The following ZBBX variants were observed in gnomAD, a reference collection of about 807,000 sequenced individuals.
ZBBX encodes zinc finger B-box domain containing, also known as zinc finger B-box domain-containing protein 1.
In ZBBX, 101 loss-of-function variants were observed where a neutral mutation model predicts 108.5. The ratio of observed to expected loss-of-function variants is 0.93; its 90% CI spans 0.79 to 1.10. ZBBX has a LOEUF of 1.10. ZBBX is among the 50% of genes least tolerant of loss of function. ZBBX has a pLI of 0.00. For missense variants in ZBBX, 1,009 were observed against 941.4 expected (o/e 1.07, Z -0.94); for synonymous variants, 356 against 323.4 (o/e 1.10, Z -1.08).
At chr3:167,392,035 A>G (rs1748097988) in intron 1 of ZBBX, among the ~76,000 whole-genome samples, 2 of 151,784 alleles carry the variant, frequency 1.3e-5, no homozygotes, top group South Asian at 4.2e-4. Flanking sequence ...TGCCTACCCT[A>G]TGCACTTGCA....
At chr3:167,288,085 T>G (rs1730026600) in intron 19 of ZBBX, among the ~76,000 whole-genome samples, 1 of 152,098 alleles carries the variant, frequency 6.6e-6, no homozygotes, top group Non-Finnish European at 1.5e-5. Flanking sequence ...ATATCTCTTT[T>G]ATCCTCGGGG....
At chr3:167,242,821 A>C (rs950260166) in intron 20 of ZBBX, among the ~76,000 whole-genome samples, 178 bp from the exon 21 acceptor site, 2 of 152,236 alleles carry the variant, frequency 1.3e-5, no homozygotes, top group African/African-American at 4.8e-5. Context: ...TGAGATTCCA[A>C]ATTGGGGCAT....
intron 1 of ZBBX, among the ~76,000 whole-genome samples, chr3:167,407,333 C>G (rs546904384): frequency 2.8e-4 from 43 of 152,204 alleles, no homozygotes; most frequent in African/African-American, 1.0e-3. Flanking sequence ...ATGTCCAATG[C>G]TAATGTCCAT....
At chr3:167,400,073 T>C (rs1748373850) in intron 1 of ZBBX, among the ~76,000 whole-genome samples, 2 of 152,212 alleles carry the variant, frequency 1.3e-5, no homozygotes, top group African/African-American at 4.8e-5. Context: ...CCGTAGTGTA[T>C]ATGTACTACA....
intron 9 of ZBBX, among the ~76,000 whole-genome samples, chr3:167,334,922 T>G (rs932168104): frequency 2.0e-5 from 3 of 152,134 alleles, no homozygotes; most frequent in Admixed American, 2.0e-4. Flanking sequence ...ATTTCTCATT[T>G]TGTTCCTTGC....
At chr3:167,266,224 A>T (rs1725440049) in intron 20 of ZBBX, among the ~76,000 whole-genome samples, 1 of 152,206 alleles carries the variant, frequency 6.6e-6, no homozygotes, top group Admixed American at 6.5e-5. Flanking sequence ...GTATATTTGT[A>T]AAAATAATGG....
At chr3:167,359,169 T>C (rs997018464) in intron 8 of ZBBX, among the ~76,000 whole-genome samples, 5 of 152,062 alleles carry the variant, frequency 3.3e-5, no homozygotes, top group Non-Finnish European at 7.4e-5. Flanking sequence ...CATGGATGAA[T>C]CATGTGGAGC....
chr3:167,270,324 G>A lies in ZBBX; in HGVS notation c.2254+11914C>T, dbSNP rs144019357. ...GCTCAGAAAATTTCTAGGATTAGTT[G>A]GATACTGCCGCTTATGGATTGACTC... On this transcript the variant is annotated intron_variant, in intron 20 of 21. Transcript: ENST00000675490. Among the ~76,000 whole-genome samples the A allele has an allele frequency of 8.9e-3, 1,358 of 152,184 alleles. 27 individuals are homozygous for A. Among genetic ancestry groups the A allele is most frequent in the African/African-American group, 0.031 (1,282 of 41,514 alleles).
At chr3:167,243,464 T>A (rs1301252252) in intron 20 of ZBBX, among the ~76,000 whole-genome samples, 5 of 152,186 alleles carry the variant, frequency 3.3e-5, no homozygotes, top group African/African-American at 1.2e-4. Flanking sequence ...AATGGTGTGA[T>A]CTTGGCTCAC....
chr3:167,333,441 C>A (rs1306177210), intron 10 of ZBBX, among the ~76,000 whole-genome samples: 1 of 152,042 alleles, frequency 6.6e-6, no homozygotes, highest in African/African-American at 2.4e-5. Flanking sequence ...AATTGCCTGT[C>A]ACTTAAAACT....
chr3:167,290,150 A>G (rs1243581933), intron 18 of ZBBX, among the ~76,000 whole-genome samples: 3 of 152,184 alleles, frequency 2.0e-5, no homozygotes, highest in African/African-American at 7.2e-5. Flanking sequence ...CAGCTTCAGC[A>G]GACTTAAACA....
the ZBBX span, among the ~76,000 whole-genome samples, chr3:167,182,048 C>T: frequency 2.0e-5 from 3 of 152,290 alleles, no homozygotes; most frequent in Admixed American, 2.0e-4. Context: ...CCAGTGTTTT[C>T]CTTTCTTGCA....
chr3:167,330,080 G>A (rs1371237882), intron 10 of ZBBX, among the ~76,000 whole-genome samples: 2 of 152,132 alleles, frequency 1.3e-5, no homozygotes, highest in Non-Finnish European at 2.9e-5. Context: ...CATAAATGCT[G>A]ATCAGTGGAA....
intron 1 of ZBBX, among the ~76,000 whole-genome samples, chr3:167,398,444 A>C (rs188949277): frequency 2.6e-5 from 4 of 152,226 alleles, no homozygotes; most frequent in African/African-American, 9.6e-5. Context: ...TCACTGCTTC[A>C]GAAAATTATT....
the ZBBX span, among the ~76,000 whole-genome samples, chr3:167,184,307 G>A: frequency 6.6e-6 from 1 of 152,066 alleles, no homozygotes; most frequent in Non-Finnish European, 1.5e-5. Flanking sequence ...GTTGCTTCTT[G>A]ACCTTTGTGT....
At chr3:167,293,900 AACAG>A (rs202247218) in intron 18 of ZBBX, among the ~76,000 whole-genome samples, 1,895 of 152,300 alleles carry the variant, frequency 0.012, 40 homozygotes, top group African/African-American at 0.043. Context: ...ATACACCTAT[AACAG>A]ACAAACAGAG....
the ZBBX span, among the ~76,000 whole-genome samples, chr3:167,193,969 T>C: frequency 2.2e-4 from 34 of 151,976 alleles, no homozygotes; most frequent in African/African-American, 7.7e-4. Context: ...TGCCAGAAGT[T>C]AGAAAGGTTG....
chr3:167,299,361 A>G (rs73043972), intron 17 of ZBBX, among the ~76,000 whole-genome samples: 2,652 of 152,198 alleles, frequency 0.017, 77 homozygotes, highest in African/African-American at 0.061. Flanking sequence ...ATGTCATTCA[A>G]AGACAAATCG....
chr3:167,397,418 CA>C (rs1334800553), intron 1 of ZBBX, among the ~76,000 whole-genome samples: 1 of 151,660 alleles, frequency 6.6e-6, no homozygotes, highest in Admixed American at 6.6e-5. Flanking sequence ...TGCACATGCA[CA>C]AAAACACACT....
Sources: allele counts gnomAD v4.1 joint callset (sites outside exome capture counted in the v4.1 genomes callset), GRCh38; gene constraint gnomAD v4.1.1; transcripts MANE v1.5; gene names NCBI Gene and HGNC (gene_info 2026-07-23, HGNC 2026-07-21).